CHST9: variants seen among roughly 807,000 people sequenced by gnomAD.
CHST9 encodes the protein carbohydrate sulfotransferase 9.
In CHST9, 41 loss-of-function variants were observed where a neutral mutation model predicts 44.4. The ratio of observed to expected loss-of-function variants is 0.92; its 90% CI spans 0.72 to 1.20. CHST9 has a LOEUF of 1.20. Ranked by LOEUF, CHST9 falls within the 50% of genes most tolerant of loss-of-function variation. CHST9 has a pLI of 0.00. For synonymous variants in CHST9, 171 were observed against 178.4 expected (o/e 0.96, Z 0.33); for missense variants, 504 against 516.5 (o/e 0.98, Z 0.23).
At chr18:27,039,588 C>G (rs1196306634) in intron 3 of CHST9, among the ~76,000 whole-genome samples, 1 of 152,010 alleles carries the variant, frequency 6.6e-6, no homozygotes, top group African/African-American at 2.4e-5. Flanking sequence ...GTGGTGGGGA[C>G]AGTTGCACAA....
At chr18:26,940,299 C>T (rs9957444) in intron 5 of CHST9, among the ~76,000 whole-genome samples, 23,663 of 151,894 alleles carry the variant, frequency 0.16, 2,038 homozygotes, top group East Asian at 0.23. Flanking sequence ...TTCTTGGTCT[C>T]GTCTGAGGGT....
chr18:27,062,278 A>G (rs2057732010), intron 2 of CHST9, among the ~76,000 whole-genome samples: 1 of 152,096 alleles, frequency 6.6e-6, no homozygotes, highest in African/African-American at 2.4e-5. Context: ...TGTCATTTAC[A>G]TTAGGTATAT....
At position 27,048,483 on chromosome 18, in the gene CHST9, C is replaced by T; in HGVS notation, c.142G>A (p.Glu48Lys). The T allele has an allele frequency of 6.2e-7, 1 of 1,606,906 alleles. No homozygotes were observed. Among genetic ancestry groups the T allele is most frequent in the Non-Finnish European group, 8.5e-7 (1 of 1,176,556 alleles). ...QHTGRVEKRR[E>K]QKVTSGWGPV... ...ATCTTACCTGAAGTTACTTTTTGTT[C>T]TCTTCTCTTCTCCACTCTCCCTGAA... Residue 48 changes from glutamate (E) to lysine (K), a missense_variant, in exon 3 of 6, where the codon GAA becomes AAA. Physicochemically the swap from Glu to Lys is moderately conservative, Grantham distance 56. Transcript: ENST00000618847.
chr18:27,079,690 T>C (rs995105017), intron 2 of CHST9, among the ~76,000 whole-genome samples: 2 of 152,224 alleles, frequency 1.3e-5, no homozygotes, highest in Non-Finnish European at 2.9e-5. Flanking sequence ...ATAGCGCAGA[T>C]GTATTATTCT....
At chr18:27,145,231 G>A (rs561521360) in intron 1 of CHST9, among the ~76,000 whole-genome samples, 16 of 151,978 alleles carry the variant, frequency 1.1e-4, no homozygotes, top group Non-Finnish European at 1.8e-4. Flanking sequence ...TCACTCTGTC[G>A]CCCAGGCTGG....
At chr18:27,141,225 C>A (rs1374283815) in intron 2 of CHST9, among the ~76,000 whole-genome samples, 1 of 151,938 alleles carries the variant, frequency 6.6e-6, no homozygotes, top group Non-Finnish European at 1.5e-5. Context: ...ATTAGCCGGG[C>A]GTGGTGGCGG....
intron 1 of CHST9, among the ~76,000 whole-genome samples, chr18:27,146,528 A>G (rs1446708268): frequency 6.6e-6 from 1 of 152,206 alleles, no homozygotes; most frequent in African/African-American, 2.4e-5. Flanking sequence ...AAGCCTGCGG[A>G]AAAAGTGCAG....
At chr18:27,012,299 T>C (rs896601161) in intron 4 of CHST9, among the ~76,000 whole-genome samples, 1 of 152,226 alleles carries the variant, frequency 6.6e-6, no homozygotes, top group Non-Finnish European at 1.5e-5. Flanking sequence ...ACTGATAATG[T>C]AGTCGATTAA....
intron 4 of CHST9, among the ~76,000 whole-genome samples, chr18:26,948,389 G>A (rs184747414): frequency 4.0e-4 from 60 of 151,764 alleles, no homozygotes; most frequent in Middle Eastern, 3.4e-3. Context: ...AGAACTTAAA[G>A]TTAAAAAAAA....
At chr18:27,040,761 T>C (rs943178067) in intron 3 of CHST9, among the ~76,000 whole-genome samples, 3 of 152,170 alleles carry the variant, frequency 2.0e-5, no homozygotes, top group African/African-American at 7.2e-5. Context: ...AGTATATCAT[T>C]TACAGTTGAT....
chr18:26,947,912 AT>A (rs2056189009), intron 4 of CHST9, among the ~76,000 whole-genome samples: 1 of 152,220 alleles, frequency 6.6e-6, no homozygotes, highest in East Asian at 1.9e-4. Flanking sequence ...TACCCAAAGG[AT>A]TATAAATCAT....
chr18:26,912,975 C>A lies in CHST9; in HGVS notation c.*3284G>T, dbSNP rs528904067. ...GGGCAAAACATCTGCTTCACCACGCCCCATGAAGGCCTAGAGGCTGGGATG... is the reference window on the plus strand; with the variant it reads ...GGGCAAAACATCTGCTTCACCACGCACCATGAAGGCCTAGAGGCTGGGATG... On this transcript the variant is annotated 3_prime_UTR_variant, in exon 6 of 6. Transcript: ENST00000618847. 3.3e-5 allele frequency: 5 copies of A among 152,282 alleles called. No individual in the cohort carries two copies. The highest frequency in any genetic ancestry group is 1.2e-4 in the African/African-American group (5 of 41,544). 9.4% of individuals were successfully genotyped at this position (152,282 alleles called of 1,614,324 possible). A position where few individuals can be genotyped will look rare whatever the true frequency, so the allele number is the denominator to read the frequency against.
chr18:26,942,375 G>C (rs1163400397), intron 5 of CHST9, among the ~76,000 whole-genome samples: 1 of 152,092 alleles, frequency 6.6e-6, no homozygotes, highest in Non-Finnish European at 1.5e-5. Context: ...GAGAATGACT[G>C]TAAAATTAAA....
At chr18:27,056,892 T>C (rs2057662617) in intron 2 of CHST9, among the ~76,000 whole-genome samples, 1 of 152,234 alleles carries the variant, frequency 6.6e-6, no homozygotes, top group African/African-American at 2.4e-5. Context: ...CTTTCTCTCA[T>C]CCTCATGTCC....
rs1354564852 is a variant in CHST9, at chr18:26,978,588, T to C, written c.203-34222A>G. ...ACAGAAGTGTCTATCATGTGAGTTT[T>C]GTGATGCAGAGGGATAAACACATGT... On this transcript the variant is annotated intron_variant, in intron 4 of 5. Coordinates refer to ENST00000618847, the MANE Select transcript of CHST9 (RefSeq NM_031422.6). Among the ~76,000 whole-genome samples, 8 of 152,308 alleles carry C rather than the reference T, an allele frequency of 5.3e-5. 1 individual carries two copies. The South Asian group carries it at 1.7e-3, about 32-fold the overall frequency.
chr18:27,127,862 T>C lies in CHST9; in HGVS notation c.121+14827A>G, dbSNP rs574849170. 2.7e-4 allele frequency among the ~76,000 whole-genome samples: 41 copies of C among 152,090 alleles called. No homozygotes were observed. In the South Asian group the frequency reaches 7.9e-3, roughly 29 times the overall value. On this transcript the variant is annotated intron_variant, in intron 2 of 5. Coordinates refer to ENST00000618847, the MANE Select transcript of CHST9 (RefSeq NM_031422.6). Reference sequence around the variant, plus strand: ...AGGCATGAAGGTGGAAATAAGTGAGTCTATGTCTTGGTAGCAGGAAGCTCT... The same window carrying C: ...AGGCATGAAGGTGGAAATAAGTGAGCCTATGTCTTGGTAGCAGGAAGCTCT...
chr18:27,024,004 A>G, intron 4 of CHST9, 112 bp downstream of exon 4: 1 of 1,018,244 alleles, frequency 9.8e-7, no homozygotes, highest in Non-Finnish European at 1.5e-6. Context: ...GATGGCTATC[A>G]TCAGCAGAAC....
chr18:27,119,858 A>G (rs1035264068), intron 2 of CHST9, among the ~76,000 whole-genome samples: 1 of 152,198 alleles, frequency 6.6e-6, no homozygotes. Flanking sequence ...GGTCAGGCAC[A>G]GTAAAGCATG....
At chr18:26,971,044 C>T (rs1421050980) in intron 4 of CHST9, among the ~76,000 whole-genome samples, 2 of 152,152 alleles carry the variant, frequency 1.3e-5, no homozygotes, top group Non-Finnish European at 2.9e-5. Context: ...TTAGTGGCTT[C>T]CACCCCTGAA....
Sources: gnomAD v4.1 joint callset for allele counts (sites outside exome capture counted in the v4.1 genomes callset) on GRCh38, gnomAD v4.1.1 for gene constraint, MANE v1.5 for transcripts, NCBI Gene and HGNC (gene_info 2026-07-23, HGNC 2026-07-21) for gene names.